NCAM1: variants seen among roughly 807,000 people sequenced by gnomAD.
NCAM1 encodes the protein neural cell adhesion molecule 1, also known as antigen recognized by monoclonal antibody 5.1H11.
NCAM1 carries 14 observed loss-of-function variants against 109.8 expected under a neutral mutation model. The ratio of observed to expected loss-of-function variants is 0.13; its 90% CI spans 0.08 to 0.20. The LOEUF is 0.20. Among genes scored for constraint, NCAM1 ranks in the 10% least tolerant of loss-of-function variants. The probability of loss-of-function intolerance (pLI) is 1.00; values close to 1 mark genes in which losing one functional copy is unlikely to be tolerated. For synonymous variants in NCAM1, 418 were observed against 442.9 expected, an observed-to-expected ratio of 0.94 and a Z score of 0.70; for missense variants, 774 against 1,109.9, an observed-to-expected ratio of 0.70 and a Z score of 4.30.
chr11:113,256,865 A>C (rs1555122427), intron 16 of NCAM1, among the ~76,000 whole-genome samples: 1 of 152,250 alleles, frequency 6.6e-6, no homozygotes, highest in East Asian at 1.9e-4. Flanking sequence ...TTCGTAGTAG[A>C]GAAAAGAATG....
chr11:113,020,947 G>A (rs1443859466), intron 1 of NCAM1, among the ~76,000 whole-genome samples: 1 of 152,028 alleles, frequency 6.6e-6, no homozygotes, highest in Admixed American at 6.5e-5. Flanking sequence ...AGTAGGGATG[G>A]GATTTCGCCA....
intron 1 of NCAM1, among the ~76,000 whole-genome samples, chr11:113,114,216 T>C (rs1940579257): frequency 6.6e-6 from 1 of 152,194 alleles, no homozygotes; most frequent in Non-Finnish European, 1.5e-5. Flanking sequence ...AAACAACCCA[T>C]ATAGCTGATC....
At chr11:113,251,375 TACAA>T (rs1447025108) in intron 15 of NCAM1, among the ~76,000 whole-genome samples, 7 of 152,152 alleles carry the variant, frequency 4.6e-5, no homozygotes, top group Non-Finnish European at 7.4e-5. Context: ...GCAGAGTAAT[TACAA>T]ACAGAGAACC....
At chr11:113,140,590 G>T (rs574028938) in intron 1 of NCAM1, among the ~76,000 whole-genome samples, 1 of 152,228 alleles carries the variant, frequency 6.6e-6, no homozygotes, top group South Asian at 2.1e-4. Flanking sequence ...TCCTGTACTT[G>T]TATATTGGAT....
chr11:113,231,736 T>C lies in NCAM1; in HGVS notation c.1181T>C (p.Ile394Thr). 2 of 1,613,542 alleles carry C rather than the reference T, an allele frequency of 1.2e-6. No homozygotes were observed. Among genetic ancestry groups the C allele is most frequent in the Non-Finnish European group, 1.7e-6 (2 of 1,179,736 alleles). ...CAGTACACTGATGCCGGAGAGTACATCTGCACCGCCAGCAACACCATCGGC... is the reference window on the plus strand; with the variant it reads ...CAGTACACTGATGCCGGAGAGTACACCTGCACCGCCAGCAACACCATCGGC... ...SIQYTDAGEY[I>T]CTASNTIGQD... is the part of the protein sequence containing the mutation. The change falls in exon 10 of 20, where the codon ATC (isoleucine) becomes ACC (threonine). Residue 394 changes from isoleucine to threonine, a missense_variant. Around this residue, in one of 4 missense-constraint regions of NCAM1, gnomAD observed 523 missense variants for 784.2 expected, o/e 0.67. Transcript: ENST00000316851.
chr11:113,185,171 A>G (rs1262788475), intron 1 of NCAM1, among the ~76,000 whole-genome samples: 1 of 151,250 alleles, frequency 6.6e-6, no homozygotes, highest in African/African-American at 2.4e-5. Flanking sequence ...CAAGATGTGC[A>G]GTTAGAAAGC....
At chr11:112,977,092 A>T (rs553286918) in intron 1 of NCAM1, among the ~76,000 whole-genome samples, 2 of 134,740 alleles carry the variant, frequency 1.5e-5, no homozygotes, top group African/African-American at 5.4e-5. Context: ...GTATCAGATA[A>T]GTTTGCTTTT....
chr11:113,261,684 G>A (rs535958333), intron 17 of NCAM1, among the ~76,000 whole-genome samples: 14 of 152,022 alleles, frequency 9.2e-5, no homozygotes, highest in South Asian at 2.1e-4. Context: ...CTTTACAATC[G>A]ACAGCTTGGA....
intron 1 of NCAM1, among the ~76,000 whole-genome samples, chr11:113,088,946 T>G (rs1285870247): frequency 1.3e-5 from 2 of 152,180 alleles, no homozygotes; most frequent in Admixed American, 6.5e-5. Context: ...GTTAAAAATG[T>G]AAAATTAGCA....
chr11:113,055,978 GATATATATATATATATATAT>G lies in NCAM1; in HGVS notation c.52+94342_52+94361del, dbSNP rs58693567. Among the ~76,000 whole-genome samples the G allele has an allele frequency of 8.0e-3, 483 of 60,026 alleles. 11 individuals are homozygous for G. The highest frequency in any genetic ancestry group is 0.018 in the African/African-American group (297 of 16,560). 39.4% of individuals were successfully genotyped at this position (60,026 alleles called of 152,430 possible). The stretch of plus-strand genomic sequence containing the variant: ...GTGGATGAATGGATAAAGAAAATGT[GATATATATATATATATATAT>G]ATATATATATATATATATATATATA... On this transcript the variant is annotated intron_variant, in intron 1 of 19. Coordinates refer to ENST00000316851, the MANE Select transcript of NCAM1 (RefSeq NM_181351.5).
At chr11:113,148,508 G>C (rs991412215) in intron 1 of NCAM1, among the ~76,000 whole-genome samples, 3 of 152,068 alleles carry the variant, frequency 2.0e-5, no homozygotes, top group African/African-American at 7.2e-5. Flanking sequence ...GAGGCAGAAT[G>C]AAGCGCAGAA....
At chr11:113,116,091 CA>C (rs1243773415) in intron 1 of NCAM1, among the ~76,000 whole-genome samples, 1 of 152,154 alleles carries the variant, frequency 6.6e-6, no homozygotes, top group Non-Finnish European at 1.5e-5. Context: ...TGCAAAAATT[CA>C]TGGGAATAAT....
At chr11:113,179,349 A>G (rs577818607) in intron 1 of NCAM1, among the ~76,000 whole-genome samples, 1 of 152,388 alleles carries the variant, frequency 6.6e-6, no homozygotes, top group South Asian at 2.1e-4. Flanking sequence ...AAATAAGAGC[A>G]CATTTCCATT....
At chr11:113,043,836 C>T (rs1555080361) in intron 1 of NCAM1, among the ~76,000 whole-genome samples, 1 of 152,202 alleles carries the variant, frequency 6.6e-6, no homozygotes, top group African/African-American at 2.4e-5. Context: ...CCCCGCCTGA[C>T]ACAGCCTCCA....
chr11:113,091,761 T>A (rs1338085669), intron 1 of NCAM1, among the ~76,000 whole-genome samples: 1 of 152,202 alleles, frequency 6.6e-6, no homozygotes, highest in Non-Finnish European at 1.5e-5. Context: ...CATGGATAGC[T>A]AAACTTAAGA....
chr11:112,979,298 A>AT (rs1951089356), intron 1 of NCAM1, among the ~76,000 whole-genome samples: 1 of 151,764 alleles, frequency 6.6e-6, no homozygotes, highest in Non-Finnish European at 1.5e-5. Flanking sequence ...TTCATAATAA[A>AT]TTTTTTTCCA....
At chr11:112,997,442 C>A (rs1037261904) in intron 1 of NCAM1, among the ~76,000 whole-genome samples, 4 of 151,984 alleles carry the variant, frequency 2.6e-5, no homozygotes, top group South Asian at 2.1e-4. Flanking sequence ...ATAAAATGGT[C>A]GTATGAAAAA....
At chr11:113,231,422 T>A in intron 9 of NCAM1, 2 of 1,023,630 alleles carry the variant, frequency 2.0e-6, no homozygotes, top group Non-Finnish European at 2.8e-6. Context: ...TGAGTCTCAT[T>A]TTCTGTTTCG....
At chr11:113,174,222 T>C (rs1469745235) in intron 1 of NCAM1, among the ~76,000 whole-genome samples, 15 of 152,298 alleles carry the variant, frequency 9.8e-5, no homozygotes, top group African/African-American at 3.6e-4. Flanking sequence ...ACATAGGACT[T>C]AGTTCCTCGA....
Sources: gnomAD v4.1 joint callset for allele counts (sites outside exome capture counted in the v4.1 genomes callset) on GRCh38, gnomAD v4.1.1 for gene constraint, gnomAD v4.1.1 regional missense constraint, MANE v1.5 for transcripts, NCBI Gene and HGNC (gene_info 2026-07-23, HGNC 2026-07-21) for gene names.